HMGB1: variants seen among roughly 807,000 people sequenced by gnomAD.
HMGB1 encodes high mobility group protein B1.
For synonymous variants in HMGB1, 81 were observed against 84.0 expected (o/e 0.96, Z 0.19); for missense variants, 79 against 253.5 (o/e 0.31, Z 4.67).
At chr13:30,517,792 A>ACAGAG (rs1888133622) in intron 1 of HMGB1, among the ~76,000 whole-genome samples, 1 of 152,190 alleles carries the variant, frequency 6.6e-6, no homozygotes, top group Non-Finnish European at 1.5e-5. Flanking sequence ...CTCCACGGGT[A>ACAGAG]TTTCAGCATA....
At chr13:30,521,292 T>C (rs186764754) in intron 1 of HMGB1, among the ~76,000 whole-genome samples, 1 of 152,322 alleles carries the variant, frequency 6.6e-6, no homozygotes, top group East Asian at 1.9e-4. Context: ...GTTTAGTATG[T>C]TGAGAATGTA....
intron 1 of HMGB1, among the ~76,000 whole-genome samples, chr13:30,536,159 G>T (rs759223470): frequency 8.5e-5 from 13 of 152,142 alleles, no homozygotes; most frequent in Non-Finnish European, 1.6e-4. Context: ...AGAAGTTACT[G>T]CAATAAACAA....
intron 1 of HMGB1, among the ~76,000 whole-genome samples, chr13:30,521,998 C>T (rs921117265): frequency 7.2e-5 from 11 of 151,906 alleles, no homozygotes; most frequent in Non-Finnish European, 8.8e-5. Context: ...ATCCTTGCAA[C>T]ATTTATCAAC....
chr13:30,484,233 G>T (rs574016093), intron 1 of HMGB1, among the ~76,000 whole-genome samples: 1 of 152,136 alleles, frequency 6.6e-6, no homozygotes, highest in Non-Finnish European at 1.5e-5. Context: ...CTACCCAGGC[G>T]TCTGTGACCT....
rs898312741 is a variant in HMGB1, at chr13:30,571,696, C to CA, written c.-15+44974dup. 4.6e-5 allele frequency among the ~76,000 whole-genome samples: 7 copies of CA among 152,084 alleles called. No homozygotes were observed. The East Asian group carries it at 1.4e-3, about 29-fold the overall frequency. ...GGTTTTGAAGCCACAAGCAGGTTTACAAAAAACATTTAAATCCATCTGAAT... is the reference window on the plus strand; with the variant it reads ...GGTTTTGAAGCCACAAGCAGGTTTACAAAAAAACATTTAAATCCATCTGAAT... On this transcript the variant is annotated intron_variant, in intron 1 of 4. Transcript: ENST00000405805.
At chr13:30,463,453 C>A (rs1485924173) in intron 2 of HMGB1, 78 bp downstream of exon 2, 10 of 1,539,620 alleles carry the variant, frequency 6.5e-6, no homozygotes, top group Middle Eastern at 1.8e-4. Flanking sequence ...TACGAGAATG[C>A]CAACTAGGCT....
intron 1 of HMGB1, among the ~76,000 whole-genome samples, chr13:30,582,396 T>C (rs944543888): frequency 6.6e-5 from 10 of 152,094 alleles, no homozygotes; most frequent in Non-Finnish European, 1.2e-4. Flanking sequence ...CCCAGCACTT[T>C]GGGAGTCCGA....
At chr13:30,595,187 T>A (rs1378428039) in intron 1 of HMGB1, among the ~76,000 whole-genome samples, 1 of 150,766 alleles carries the variant, frequency 6.6e-6, no homozygotes, top group African/African-American at 2.5e-5. Flanking sequence ...TAGTCTCAGA[T>A]AAAAAATTGT....
chr13:30,513,816 T>G (rs146728858), intron 1 of HMGB1, among the ~76,000 whole-genome samples: 1 of 152,332 alleles, frequency 6.6e-6, no homozygotes, highest in African/African-American at 2.4e-5. Context: ...TTCTCAATAC[T>G]GTTGCAGTGG....
intron 3 of HMGB1, 91 bp downstream of exon 3, chr13:30,463,116 T>C (rs1466956177): frequency 1.6e-6 from 2 of 1,249,068 alleles, no homozygotes; most frequent in East Asian, 2.3e-5. Context: ...ATTGTACATT[T>C]ACACTCTAAA....
intron 1 of HMGB1, among the ~76,000 whole-genome samples, chr13:30,549,232 G>A (rs916622075): frequency 2.6e-5 from 4 of 152,204 alleles, no homozygotes; most frequent in Non-Finnish European, 4.4e-5. Flanking sequence ...GCAGTGAGCC[G>A]TAATTGAGCC....
chr13:30,546,455 A>G (rs1251670239), intron 1 of HMGB1, among the ~76,000 whole-genome samples: 1 of 152,058 alleles, frequency 6.6e-6, no homozygotes, highest in Non-Finnish European at 1.5e-5. Flanking sequence ...TTTCCTAACT[A>G]CACTGTTGAG....
chr13:30,606,324 A>G (rs1950457955), intron 1 of HMGB1, among the ~76,000 whole-genome samples: 1 of 152,224 alleles, frequency 6.6e-6, no homozygotes, highest in Non-Finnish European at 1.5e-5. Context: ...TTTTTCATTT[A>G]TCATCACTTA....
At chr13:30,531,602 A>G (rs945956982) in intron 1 of HMGB1, among the ~76,000 whole-genome samples, 3 of 150,470 alleles carry the variant, frequency 2.0e-5, no homozygotes, top group African/African-American at 7.4e-5. Context: ...ACACATGCTC[A>G]TTGTAAAATA....
rs145617866 is a variant in HMGB1 at position 30,588,445 on chromosome 13, C to T, written c.-15+28226G>A. 3.6e-3 allele frequency among the ~76,000 whole-genome samples: 543 copies of T among 152,184 alleles called. 2 individuals carry two copies. The highest frequency in any genetic ancestry group is 0.011 in the African/African-American group (461 of 41,506). ...TACAATATATGTAAAAACTCGGAGACAGGACTGAGCGTGAAATGTTAATGG... is the reference window on the plus strand; with the variant it reads ...TACAATATATGTAAAAACTCGGAGATAGGACTGAGCGTGAAATGTTAATGG... On this transcript the variant is annotated intron_variant, in intron 1 of 4. Transcript: ENST00000405805.
rs1318164854 is a variant in HMGB1 at position 30,457,158 on chromosome 13, ATTAT to A, written c.*4195_*4198del. ...AAATGGTATTTAGTATATCTGCAAA[ATTAT>A]TTATTTCTAGTAGACAAGGCCTCAC... On this transcript the variant is annotated 3_prime_UTR_variant, in exon 5 of 5. Transcript: ENST00000341423. The A allele has an allele frequency of 6.6e-6, 1 of 152,190 alleles. No homozygotes were observed. Among genetic ancestry groups the A allele is most frequent in the Admixed American group, 6.5e-5 (1 of 15,280 alleles). The allele number at this position is 152,190 out of a possible 1,614,324, so 9.4% of individuals were successfully genotyped here.
intron 1 of HMGB1, among the ~76,000 whole-genome samples, chr13:30,482,066 G>A (rs1483608083): frequency 6.6e-6 from 1 of 152,156 alleles, no homozygotes; most frequent in African/African-American, 2.4e-5. Context: ...CTGATCTCAA[G>A]TGATCTGCCT....
At chr13:30,614,296 G>T (rs1210013373) in intron 1 of HMGB1, among the ~76,000 whole-genome samples, 2 of 152,214 alleles carry the variant, frequency 1.3e-5, no homozygotes, top group African/African-American at 4.8e-5. Flanking sequence ...AGTTTGAGAT[G>T]AAATGGGATT....
chr13:30,505,386 G>A lies in HMGB1; in HGVS notation c.-14-41692C>T, dbSNP rs367919531. 1.1e-4 allele frequency among the ~76,000 whole-genome samples: 16 copies of A among 151,670 alleles called. No individual in the cohort carries two copies. The East Asian group carries it at 1.2e-3, about 11-fold the overall frequency. On this transcript the variant is annotated intron_variant, in intron 1 of 4. Transcript: ENST00000405805. Reference sequence around the variant, plus strand: ...GTAGAGACAGGGTTTCACCGTGTTAGCCAGGATGGTCTCCATCTCCTGACC... The same window carrying A: ...GTAGAGACAGGGTTTCACCGTGTTAACCAGGATGGTCTCCATCTCCTGACC...
Sources: gnomAD v4.1 joint callset for allele counts (sites outside exome capture counted in the v4.1 genomes callset) on GRCh38, gnomAD v4.1.1 for gene constraint, MANE v1.5 for transcripts, NCBI Gene and HGNC (gene_info 2026-07-23, HGNC 2026-07-21) for gene names.